MED12L: variants seen among roughly 807,000 people sequenced by gnomAD.
MED12L encodes mediator of RNA polymerase II transcription subunit 12-like protein.
Under a neutral mutation model 281.3 loss-of-function variants are expected in MED12L, and 60 were observed. The ratio of observed to expected loss-of-function variants is 0.21; its 90% CI spans 0.17 to 0.26. MED12L has a LOEUF of 0.26. MED12L is among the 10% of genes least tolerant of loss of function. MED12L has a pLI of 1.00. For missense variants in MED12L, 2,146 were observed against 2,680.9 expected, an observed-to-expected ratio of 0.80 and a Z score of 4.41; for synonymous variants, 974 against 987.2, an observed-to-expected ratio of 0.99 and a Z score of 0.25.
At chr3:151,414,634 G>A (rs554597289) in intron 42 of MED12L, among the ~76,000 whole-genome samples, 25 of 152,184 alleles carry the variant, frequency 1.6e-4, no homozygotes, top group Non-Finnish European at 3.4e-4. Context: ...TCTGGAACTG[G>A]GCTTCCCAAT....
chr3:151,404,167 A>G (rs1264727674), intron 39 of MED12L, among the ~76,000 whole-genome samples: 1 of 152,198 alleles, frequency 6.6e-6, no homozygotes, highest in East Asian at 1.9e-4. Flanking sequence ...TGATTTCTAT[A>G]TTAATTCAAA....
chr3:151,181,407 G>A (rs1047968054), intron 11 of MED12L, among the ~76,000 whole-genome samples: 1 of 151,054 alleles, frequency 6.6e-6, no homozygotes, highest in Admixed American at 6.6e-5. Flanking sequence ...TCATTGCCAT[G>A]TCTTTCCTTC....
chr3:151,127,694 T>C (rs951359623), intron 4 of MED12L, 131 bp from the exon 5 acceptor site: 11 of 616,546 alleles, frequency 1.8e-5, no homozygotes, highest in Non-Finnish European at 2.9e-5. Flanking sequence ...TGAAAATCCA[T>C]CAAGGATATA....
chr3:151,311,539 G>C (rs541585870), intron 16 of MED12L, among the ~76,000 whole-genome samples: 13 of 152,062 alleles, frequency 8.5e-5, no homozygotes, highest in African/African-American at 2.9e-4. Context: ...TATAATATAG[G>C]CATGTACCGT....
rs118064627 is a variant in MED12L, at chr3:151,180,670, G to A, written c.1495-4660G>A. 1.6e-4 allele frequency among the ~76,000 whole-genome samples: 25 copies of A among 152,212 alleles called. No individual in the cohort carries two copies. In the East Asian group the frequency reaches 4.6e-3, roughly 28 times the overall value. ...TGTGTGCTTTTCTATGCATCTCTAGGTGAAGACGTGTCAGTTACTTAAATT... is the reference window on the plus strand; with the variant it reads ...TGTGTGCTTTTCTATGCATCTCTAGATGAAGACGTGTCAGTTACTTAAATT... On this transcript the variant is annotated intron_variant, in intron 11 of 44. Transcript: ENST00000687756.
At position 151,436,502 on chromosome 3, in the gene MED12L, C is replaced by T. The variant is rs1319850677; in HGVS notation, c.*3698C>T. 4 of 473,476 alleles carry T rather than the reference C, an allele frequency of 8.4e-6. No individual in the cohort carries two copies. The highest frequency in any genetic ancestry group is 7.9e-5 in the African/African-American group (4 of 50,464). 29.3% of individuals were successfully genotyped at this position (473,476 alleles called of 1,614,324 possible). ...TTAAGTTAAAAGTTTGTTTTGAGATCCATTAAATAAATCAGTATCATCAGT... is the reference window on the plus strand; with the variant it reads ...TTAAGTTAAAAGTTTGTTTTGAGATTCATTAAATAAATCAGTATCATCAGT... On this transcript the variant is annotated 3_prime_UTR_variant, in exon 45 of 45. Coordinates refer to ENST00000687756, the MANE Select transcript of MED12L (RefSeq NM_001393769.1).
intron 2 of MED12L, among the ~76,000 whole-genome samples, chr3:151,108,833 A>G (rs1376507233): frequency 6.6e-6 from 1 of 152,192 alleles, no homozygotes; most frequent in Non-Finnish European, 1.5e-5. Flanking sequence ...TGAGATGGCC[A>G]TTGAAAATTG....
At chr3:151,327,925 A>G in intron 16 of MED12L, 1 of 1,167,710 alleles carries the variant, frequency 8.6e-7, no homozygotes, top group Non-Finnish European at 1.2e-6. Context: ...TTCTTGGTTA[A>G]ATTTGATTTC....
chr3:151,198,655 G>T (rs776564801), intron 16 of MED12L: 1 of 1,614,042 alleles, frequency 6.2e-7, no homozygotes, highest in South Asian at 1.1e-5. Context: ...GGGTATACGG[G>T]ATTCGGACAA....
chr3:151,324,229 G>A (rs1049718123), intron 16 of MED12L, among the ~76,000 whole-genome samples: 1 of 152,180 alleles, frequency 6.6e-6, no homozygotes, highest in Non-Finnish European at 1.5e-5. Context: ...TTAGAAAAAT[G>A]ATAATCTTTG....
chr3:151,241,184 G>A (rs1449305363), intron 16 of MED12L, among the ~76,000 whole-genome samples: 2 of 152,120 alleles, frequency 1.3e-5, no homozygotes, highest in African/African-American at 4.8e-5. Flanking sequence ...TGGCATCTGG[G>A]ATTGCCTTTT....
intron 16 of MED12L, among the ~76,000 whole-genome samples, chr3:151,206,452 T>G (rs6790244): frequency 0.054 from 8,221 of 151,990 alleles, 704 homozygotes; most frequent in African/African-American, 0.18. Flanking sequence ...AACATTTCAT[T>G]TTACCTTTTG....
chr3:151,311,959 G>A lies in MED12L; in HGVS notation c.2251-38100G>A, dbSNP rs184366987. ...GAATTGTTCGAACCTGGGAGGCGGA[G>A]GTTGCGGAGGTTGCAGAGGTTGCAG... is the stretch of plus-strand genomic sequence containing the variant. On this transcript the variant is annotated intron_variant, in intron 16 of 44. Transcript: ENST00000687756. 1.8e-4 allele frequency among the ~76,000 whole-genome samples: 28 copies of A among 152,328 alleles called. No homozygotes were observed. In the East Asian group the frequency reaches 5.0e-3, roughly 27 times the overall value.
At position 151,372,869 on chromosome 3, in the gene MED12L, C is replaced by T. The variant is rs1278807499; in HGVS notation, c.3864+103C>T. 1.0e-5 allele frequency: 8 copies of T among 784,094 alleles called. No homozygotes were observed. In the Admixed American group the frequency reaches 2.2e-4, roughly 22 times the overall value. 48.6% of individuals were successfully genotyped at this position (784,094 alleles called of 1,614,324 possible). A position where few individuals can be genotyped will look rare whatever the true frequency, so the allele number is the denominator to read the frequency against. On this transcript the variant is annotated intron_variant, in intron 27 of 44. Transcript: ENST00000687756. ...CTTGTGCATAGGTGGGCCTTTTTTT[C>T]TTGCTCACTTTATTTCGAAATAATT... is the stretch of plus-strand genomic sequence containing the variant.
intron 5 of MED12L, among the ~76,000 whole-genome samples, chr3:151,137,572 T>G (rs906786323): frequency 6.6e-6 from 1 of 152,254 alleles, no homozygotes; most frequent in East Asian, 1.9e-4. Flanking sequence ...GACACACATA[T>G]CTGCATGTGT....
intron 28 of MED12L, among the ~76,000 whole-genome samples, chr3:151,376,538 G>C (rs1408975314): frequency 6.6e-6 from 1 of 152,170 alleles, no homozygotes; most frequent in African/African-American, 2.4e-5. Flanking sequence ...AATAGATTTT[G>C]AAAGGAGAAA....
At chr3:151,227,904 C>T (rs1222510887) in intron 16 of MED12L, among the ~76,000 whole-genome samples, 5 of 152,130 alleles carry the variant, frequency 3.3e-5, no homozygotes, top group Admixed American at 2.0e-4. Flanking sequence ...GGCCTGTATC[C>T]ACTAGGTGGC....
chr3:151,189,657 AT>A (rs1456336196), intron 13 of MED12L, among the ~76,000 whole-genome samples: 5 of 152,214 alleles, frequency 3.3e-5, no homozygotes, highest in Non-Finnish European at 5.9e-5. Context: ...AAGAGGAAAC[AT>A]TTAGGTTCAA....
chr3:151,318,133 T>A (rs994877495), intron 16 of MED12L, among the ~76,000 whole-genome samples: 5 of 151,998 alleles, frequency 3.3e-5, no homozygotes, highest in African/African-American at 1.2e-4. Context: ...CCTACAATTT[T>A]AATTTTTTTT....
Sources: gnomAD v4.1 joint callset for allele counts (sites outside exome capture counted in the v4.1 genomes callset) on GRCh38, gnomAD v4.1.1 for gene constraint, MANE v1.5 for transcripts, NCBI Gene and HGNC (gene_info 2026-07-23, HGNC 2026-07-21) for gene names.